CRACR2B: variants seen among roughly 807,000 people sequenced by gnomAD.
CRACR2B encodes the protein EF-hand calcium-binding domain-containing protein 4A.
A neutral mutation model predicts 46.0 loss-of-function variants in CRACR2B; 50 were observed. That is an observed-to-expected ratio of 1.09 (90% CI 0.87 to 1.38). CRACR2B has a LOEUF of 1.38. Among genes scored for constraint, CRACR2B ranks in the 40% most tolerant of loss-of-function variants. The pLI is 0.00. For synonymous variants in CRACR2B, 277 were observed against 239.6 expected (o/e 1.16, Z -1.44); for missense variants, 667 against 535.0 (o/e 1.25, Z -2.43).
Position 831,612 on chromosome 11 carries a change from T to C in CRACR2B, c.1103T>C (p.Leu368Pro). The stretch of plus-strand genomic sequence containing the variant: ...GCGGGCAGCAGCTGCAGGAAGGCTC[T>C]GACAACAGCCCGCCTGCCTGGGCCC... ...RRAGSSCRKA[L>P]TTARLPGPTC... Residue 368 changes from leucine (L) to proline (P), a missense_variant, in exon 9 of 9, where the codon CTG becomes CCG. Coordinates refer to ENST00000525077, the MANE Select transcript of CRACR2B (RefSeq NM_001286606.2). 1 of 1,574,838 alleles carries C rather than the reference T, an allele frequency of 6.3e-7. No individual in the cohort carries two copies. Among genetic ancestry groups the C allele is most frequent in the South Asian group, 1.2e-5 (1 of 85,698 alleles).
rs958264300 is a variant in CRACR2B at position 829,883 on chromosome 11, C to G, written c.459-103C>G. ...CCCTGCACGCAGCAAGTGCTCCTGT[C>G]CTGCCCAGGGGCGAAGAAGTCTCCT... On this transcript the variant is annotated intron_variant, in intron 3 of 8. Transcript: ENST00000525077. 2.1e-6 allele frequency: 3 copies of G among 1,456,598 alleles called. No individual in the cohort carries two copies. The African/African-American group carries it at 4.3e-5, about 21-fold the overall frequency. 90.2% of individuals were successfully genotyped at this position (1,456,598 alleles called of 1,614,324 possible). A position where few individuals can be genotyped will look rare whatever the true frequency, so the allele number is the denominator to read the frequency against.
intron 5 of CRACR2B, 43 bp downstream of exon 5, chr11:830,380 C>G (rs758667190): frequency 6.5e-7 from 1 of 1,536,558 alleles, no homozygotes; most frequent in South Asian, 1.2e-5. Flanking sequence ...CCAATCCCAC[C>G]TCGCTGGCCT....
In CRACR2B at chr11:829,355, C is replaced by T. The variant is rs1265234663; in HGVS notation, c.278-5C>T. On this transcript the variant is annotated splice_region_variant and splice_polypyrimidine_tract_variant and intron_variant, in intron 2 of 8. Coordinates refer to ENST00000525077, the MANE Select transcript of CRACR2B (RefSeq NM_001286606.2). Reference sequence around the variant, plus strand: ...CCCTGGTAATCGCTCGCTCCATGCCCGCAGGGATGTTTGTGGGGGTGGCGT... The same window carrying T: ...CCCTGGTAATCGCTCGCTCCATGCCTGCAGGGATGTTTGTGGGGGTGGCGT... The T allele has an allele frequency of 1.0e-5, 16 of 1,603,030 alleles. No homozygotes were observed. The highest frequency in any genetic ancestry group is 6.7e-5 in the East Asian group (3 of 44,678).
chr11:830,065 A>G lies in CRACR2B; in HGVS notation c.538A>G (p.Ile180Val), dbSNP rs1292531789. Residue 180 changes from isoleucine to valine, a missense_variant, in exon 4 of 9, where the codon ATA (isoleucine) becomes GTA (valine). Transcript: ENST00000525077. The stretch of plus-strand genomic sequence containing the variant: ...GCTGGGCTCTTTCGAGGATGTTCTG[A>G]TACGCGCGTCGGCCTGCCTGGAGGA... ...ELLGSFEDVL[I>V]RASACLEEAA... 6.4e-7 allele frequency: 1 copy of G among 1,556,188 alleles called. No homozygotes were observed. Among genetic ancestry groups the G allele is most frequent in the South Asian group, 1.2e-5 (1 of 85,956 alleles).
At chr11:829,315 G>C in intron 2 of CRACR2B, 45 bp from the exon 3 acceptor site, 7 of 1,555,414 alleles carry the variant, frequency 4.5e-6, no homozygotes, top group Non-Finnish European at 6.1e-6. Flanking sequence ...ACACAGCCAC[G>C]GTGGCGACCC....
In CRACR2B at chr11:828,526, C is replaced by G; in HGVS notation, c.-82C>G. ...CTGAGCCTTCAGACACACTTGCACC[C>G]CATCCGCTCCCCTCCTGAATTTCTT... is the stretch of plus-strand genomic sequence containing the variant. On this transcript the variant is annotated 5_prime_UTR_variant, in exon 1 of 9. Coordinates refer to ENST00000525077, the MANE Select transcript of CRACR2B (RefSeq NM_001286606.2). 6.9e-7 allele frequency: 1 copy of G among 1,448,808 alleles called. No homozygotes were observed. The highest frequency in any genetic ancestry group is 9.1e-7 in the Non-Finnish European group (1 of 1,102,326). 89.7% of individuals were successfully genotyped at this position (1,448,808 alleles called of 1,614,324 possible).
Position 831,035 on chromosome 11 carries a change from GC to G in CRACR2B, c.953+5del. 2.0e-6 allele frequency: 3 copies of G among 1,535,188 alleles called. No homozygotes were observed. The highest frequency in any genetic ancestry group is 2.4e-5 in the South Asian group (2 of 83,996). On this transcript the variant is annotated splice_donor_region_variant and intron_variant, in intron 7 of 8. Transcript: ENST00000525077. ...GGCCGCCAGGAGCAAACCCAACGGT[GC>G]CGTGGGACGGGGCTGGGCGGGCCCC...
chr11:831,484 C>A (rs542807088), intron 8 of CRACR2B, 51 bp from the exon 9 acceptor site: 50 of 1,521,550 alleles, frequency 3.3e-5, no homozygotes, highest in Non-Finnish European at 4.4e-5. Context: ...TCACCTCCCC[C>A]CACCTTGAGC....
At chr11:827,658 T>A (rs1846005573), upstream of CRACR2B, 1 of 483,890 alleles carries the variant, frequency 2.1e-6, no homozygotes, top group East Asian at 1.5e-4. Flanking sequence ...GCCTCTCGTG[T>A]CCCCTTCTCT....
intron 6 of CRACR2B, 73 bp downstream of exon 6, chr11:830,786 T>C: frequency 6.7e-7 from 1 of 1,481,492 alleles, no homozygotes; most frequent in Non-Finnish European, 8.9e-7. Context: ...CGTCCCCGGG[T>C]TGTCGGGAGC....
chr11:829,662 C>T (rs1846227125), intron 3 of CRACR2B, 122 bp downstream of exon 3: 3 of 1,165,640 alleles, frequency 2.6e-6, no homozygotes, highest in African/African-American at 3.1e-5. Context: ...CAGGCCCAGC[C>T]TAGCGTCAGC....
In CRACR2B at chr11:830,289, C is replaced by G. The variant is rs1311045131; in HGVS notation, c.645C>G (p.Tyr215Ter). 2 of 1,532,648 alleles carry G rather than the reference C, an allele frequency of 1.3e-6. No individual in the cohort carries two copies. Among genetic ancestry groups the G allele is most frequent in the Non-Finnish European group, 1.8e-6 (2 of 1,141,344 alleles). The allele number at this position is 1,532,648 out of a possible 1,614,324, so 94.9% of individuals were successfully genotyped here. A position where few individuals can be genotyped will look rare whatever the true frequency, so the allele number is the denominator to read the frequency against. ...SEHEREVRAL[Y>*]EETEQLREQS... ...ACGAGAGGGAGGTGCGCGCTCTGTA[C>G]GAGGAGACGGAGCAGCTTCGGGAGC... The change falls in exon 5 of 9, where the codon TAC becomes TAG. Residue 215 changes from tyrosine (Y) to a stop codon, truncating the protein, a stop_gained. Coordinates refer to ENST00000525077, the MANE Select transcript of CRACR2B (RefSeq NM_001286606.2). LOFTEE classifies it high-confidence loss of function.
chr11:827,086 A>C (rs1199300572), upstream of CRACR2B, among the ~76,000 whole-genome samples: 1 of 152,032 alleles, frequency 6.6e-6, no homozygotes, highest in African/African-American at 2.4e-5. Context: ...TCGAGCCTCC[A>C]GGGATCGGGC....
rs1443868289 is a variant in CRACR2B at position 830,169 on chromosome 11, G to A, written c.605+37G>A. On this transcript the variant is annotated intron_variant, in intron 4 of 8. Coordinates refer to ENST00000525077, the MANE Select transcript of CRACR2B (RefSeq NM_001286606.2). ...GGTGGGGTATGGGGGCCAATGGAGG[G>A]CCTCAGGGCAGCAGCAGAGGCGGTG... 5 of 1,504,886 alleles carry A rather than the reference G, an allele frequency of 3.3e-6. No homozygotes were observed. In the African/African-American group the frequency reaches 5.5e-5, roughly 17 times the overall value. The allele number at this position is 1,504,886 out of a possible 1,614,324, so 93.2% of individuals were successfully genotyped here.
chr11:827,507 G>A (rs968691998), upstream of CRACR2B: 4 of 982,632 alleles, frequency 4.1e-6, no homozygotes, highest in Non-Finnish European at 4.8e-6. Flanking sequence ...CAGGAGGCTG[G>A]CCGCCCCACC....
In CRACR2B at chr11:831,549, G is replaced by GGCT; in HGVS notation, c.1043_1045dup (p.Leu348dup). The GGCT allele has an allele frequency of 1.3e-6, 2 of 1,598,006 alleles. No individual in the cohort carries two copies. Among genetic ancestry groups the GGCT allele is most frequent in the Non-Finnish European group, 1.7e-6 (2 of 1,174,004 alleles). On this transcript the variant is annotated inframe_insertion, in exon 9 of 9. Transcript: ENST00000525077. ...TCCTTCCCTAGGGAGCTGAATACACGGCTGCGGGATGACAGGGACGCCTGC... is the reference window on the plus strand; with the variant it reads ...TCCTTCCCTAGGGAGCTGAATACACGGCTGCTGCGGGATGACAGGGACGCCTGC...
Position 829,444 on chromosome 11 carries a change from T to G in CRACR2B, c.362T>G (p.Val121Gly), listed in dbSNP as rs1354482510. 1 of 1,610,936 alleles carries G rather than the reference T, an allele frequency of 6.2e-7. No homozygotes were observed. The highest frequency in any genetic ancestry group is 1.1e-5 in the South Asian group (1 of 90,718). The change falls in exon 3 of 9, where the codon GTG becomes GGG. Residue 121 changes from valine to glycine, a missense_variant. Coordinates refer to ENST00000525077, the MANE Select transcript of CRACR2B (RefSeq NM_001286606.2). ...ACCTTTGAGTCGGGCGGGCTCGACGTGCAGGGCACGGCGGGCTCTCTGGAT... is the reference window on the plus strand; with the variant it reads ...ACCTTTGAGTCGGGCGGGCTCGACGGGCAGGGCACGGCGGGCTCTCTGGAT... ...EETFESGGLD[V>G]QGTAGSLDEE...
At position 831,300 on chromosome 11, in the gene CRACR2B, G is replaced by A. The variant is rs751584263; in HGVS notation, c.1025+5G>A. The A allele has an allele frequency of 6.2e-7, 1 of 1,604,656 alleles. No individual in the cohort carries two copies. Among genetic ancestry groups the A allele is most frequent in the African/African-American group, 1.3e-5 (1 of 74,080 alleles). ...ACGGCAACTGGAGCTGCTCAGGTAC[G>A]GTCAGGCTCAGGCCCGAGAGGGAAT... is the stretch of plus-strand genomic sequence containing the variant. On this transcript the variant is annotated splice_donor_5th_base_variant and intron_variant, in intron 8 of 8. Transcript: ENST00000525077.
Position 828,492 on chromosome 11 carries a change from G to A in CRACR2B, c.-116G>A. The A allele has an allele frequency of 7.9e-7, 1 of 1,267,400 alleles. No homozygotes were observed. Among genetic ancestry groups the A allele is most frequent in the Non-Finnish European group, 1.0e-6 (1 of 955,614 alleles). The allele number at this position is 1,267,400 out of a possible 1,614,324, so 78.5% of individuals were successfully genotyped here. ...CCACCTTCCCACCTGCTGCAGGGAG[G>A]GCCCTCGGCTGAGCCTTCAGACACA... On this transcript the variant is annotated 5_prime_UTR_variant, in exon 1 of 9. Coordinates refer to ENST00000525077, the MANE Select transcript of CRACR2B (RefSeq NM_001286606.2).
Sources: allele counts gnomAD v4.1 joint callset (sites outside exome capture counted in the v4.1 genomes callset), GRCh38; gene constraint gnomAD v4.1.1; transcripts MANE v1.5; gene names NCBI Gene and HGNC (gene_info 2026-07-23, HGNC 2026-07-21).